Variants in KCNK1 observed in about 807,000 individuals in gnomAD.
KCNK1 encodes potassium channel subfamily K member 1.
In KCNK1, 10 loss-of-function variants were observed where a neutral mutation model predicts 22.2. The observed-to-expected ratio is 0.45, with a 90% CI of 0.28 to 0.76. The LOEUF is 0.76. Ranked by LOEUF, KCNK1 falls within the 30% of genes least tolerant of loss-of-function variation. The pLI is 0.14. For missense variants in KCNK1, 378 were observed against 421.0 expected, an observed-to-expected ratio of 0.90 and a Z score of 0.89; for synonymous variants, 200 against 186.4, an observed-to-expected ratio of 1.07 and a Z score of -0.60.
intron 1 of KCNK1, among the ~76,000 whole-genome samples, chr1:233,634,308 A>G (rs1288368870): frequency 4.7e-5 from 3 of 63,790 alleles, no homozygotes. Context: ...TGTCTCAACA[A>G]CAACAACAAC....
At chr1:233,644,545 G>A (rs1021720629) in intron 1 of KCNK1, among the ~76,000 whole-genome samples, 8 of 152,204 alleles carry the variant, frequency 5.3e-5, no homozygotes, top group African/African-American at 1.9e-4. Flanking sequence ...GAGCATGACT[G>A]GGGAGGGAGT....
chr1:233,650,196 G>A, intron 1 of KCNK1: 1 of 370,602 alleles, frequency 2.7e-6, no homozygotes, highest in Non-Finnish European at 5.4e-6. Flanking sequence ...AGCTATCATA[G>A]TGGGTCAGTT....
At chr1:233,656,216 C>T (rs1396133918) in intron 1 of KCNK1, among the ~76,000 whole-genome samples, 8 of 152,126 alleles carry the variant, frequency 5.3e-5, no homozygotes, top group Non-Finnish European at 1.0e-4. Flanking sequence ...AGAGAGTCTC[C>T]GGTGTGAACT....
At chr1:233,634,001 A>T (rs563857136) in intron 1 of KCNK1, among the ~76,000 whole-genome samples, 7 of 152,272 alleles carry the variant, frequency 4.6e-5, no homozygotes, top group Admixed American at 4.6e-4. Flanking sequence ...AAATAGACAC[A>T]CACAATAAGA....
intron 1 of KCNK1, among the ~76,000 whole-genome samples, chr1:233,652,287 C>T (rs1316896752): frequency 6.6e-6 from 1 of 152,062 alleles, no homozygotes; most frequent in Non-Finnish European, 1.5e-5. Flanking sequence ...ATTTCTTTCT[C>T]CAGCTTTTGT....
At chr1:233,670,444 G>A (rs1023455741) in intron 2 of KCNK1, among the ~76,000 whole-genome samples, 19 of 152,124 alleles carry the variant, frequency 1.2e-4, no homozygotes, top group Admixed American at 2.6e-4. Context: ...AGACATACCC[G>A]AGACTGGACA....
At chr1:233,637,294 G>A (rs1657916585) in intron 1 of KCNK1, 1 of 151,990 alleles carries the variant, frequency 6.6e-6, no homozygotes, top group Admixed American at 6.6e-5. Flanking sequence ...GCAGGTGAAT[G>A]GGGCTAAGAC....
intron 1 of KCNK1, among the ~76,000 whole-genome samples, chr1:233,651,166 A>G (rs1292610404): frequency 6.6e-6 from 1 of 152,198 alleles, no homozygotes; most frequent in African/African-American, 2.4e-5. Flanking sequence ...TTACCTCTGC[A>G]ATCTGTCTTC....
At chr1:233,662,566 A>G (rs927989125) in intron 1 of KCNK1, among the ~76,000 whole-genome samples, 1 of 152,180 alleles carries the variant, frequency 6.6e-6, no homozygotes, top group African/African-American at 2.4e-5. Context: ...AATCTAGCGA[A>G]GCATAGCCCC....
At chr1:233,625,306 A>G (rs1657670016) in intron 1 of KCNK1, among the ~76,000 whole-genome samples, 1 of 152,188 alleles carries the variant, frequency 6.6e-6, no homozygotes, top group Non-Finnish European at 1.5e-5. Context: ...CCTCTCTGGA[A>G]TGGGGATTCT....
At chr1:233,632,701 A>G (rs947423138) in intron 1 of KCNK1, among the ~76,000 whole-genome samples, 2 of 151,344 alleles carry the variant, frequency 1.3e-5, no homozygotes, top group African/African-American at 4.9e-5. Flanking sequence ...TCTGCTGTCC[A>G]CTCACTGGTC....
intron 1 of KCNK1, among the ~76,000 whole-genome samples, chr1:233,639,084 C>T (rs1657960875): frequency 1.3e-5 from 2 of 152,164 alleles, no homozygotes. Context: ...CCAGTCCTAA[C>T]ACACCCAAAA....
intron 1 of KCNK1, among the ~76,000 whole-genome samples, chr1:233,655,471 T>C (rs1236248713): frequency 2.6e-5 from 4 of 152,100 alleles, no homozygotes; most frequent in Non-Finnish European, 4.4e-5. Flanking sequence ...CTGAATGCAT[T>C]TTGCGTGTGA....
intron 1 of KCNK1, chr1:233,631,259 G>A (rs368756705): frequency 3.6e-5 from 19 of 530,830 alleles, no homozygotes; most frequent in African/African-American, 2.5e-4. Flanking sequence ...CACCAGGTGC[G>A]GGTTTCTGAC....
chr1:233,671,123 T>C, intron 2 of KCNK1, 148 bp from the exon 3 acceptor site: 2 of 745,080 alleles, frequency 2.7e-6, no homozygotes, highest in Non-Finnish European at 4.5e-6. Flanking sequence ...AACCATGAAC[T>C]TAAAAACACT....
At chr1:233,638,939 A>G (rs1376647031) in intron 1 of KCNK1, among the ~76,000 whole-genome samples, 3 of 152,324 alleles carry the variant, frequency 2.0e-5, no homozygotes, top group Non-Finnish European at 2.9e-5. Flanking sequence ...AAATGTCCAC[A>G]AAAAAATAAC....
chr1:233,641,424 A>G (rs562229401), intron 1 of KCNK1, among the ~76,000 whole-genome samples: 68 of 152,330 alleles, frequency 4.5e-4, no homozygotes, highest in African/African-American at 1.3e-3. Flanking sequence ...AAACATCTAA[A>G]CTGATTATTG....
chr1:233,637,600 G>A (rs1446839110), intron 1 of KCNK1, among the ~76,000 whole-genome samples: 4 of 152,100 alleles, frequency 2.6e-5, no homozygotes, highest in Non-Finnish European at 5.9e-5. Flanking sequence ...TCTTAAAGAC[G>A]GAATGACCAG....
chr1:233,654,446 A>G (rs905600287), intron 1 of KCNK1, among the ~76,000 whole-genome samples: 3 of 152,220 alleles, frequency 2.0e-5, no homozygotes, highest in South Asian at 2.1e-4. Context: ...GTGAACACTG[A>G]AATTACATAT....
Sources: gnomAD v4.1 joint callset for allele counts (sites outside exome capture counted in the v4.1 genomes callset) on GRCh38, gnomAD v4.1.1 for gene constraint, MANE v1.5 for transcripts, NCBI Gene and HGNC (gene_info 2026-07-23, HGNC 2026-07-21) for gene names.